The following HDLBP variants were observed in gnomAD, a reference collection of about 807,000 sequenced individuals.
HDLBP encodes vigilin.
A neutral mutation model predicts 137.3 loss-of-function variants in HDLBP; 30 were observed. The ratio of observed to expected loss-of-function variants is 0.22; its 90% CI spans 0.16 to 0.30. HDLBP has a LOEUF of 0.30. Ranked by LOEUF, HDLBP falls within the 10% of genes least tolerant of loss-of-function variation. The pLI is 1.00. For missense variants in HDLBP, 1,119 were observed against 1,667.3 expected (o/e 0.67, Z 5.73); for synonymous variants, 606 against 596.0 (o/e 1.02, Z -0.24).
At chr2:241,242,230 A>G (rs928389175) in intron 17 of HDLBP, among the ~76,000 whole-genome samples, 1 of 152,238 alleles carries the variant, frequency 6.6e-6, no homozygotes. Flanking sequence ...AAAGCACCCC[A>G]AAACTAATAA....
intron 16 of HDLBP, among the ~76,000 whole-genome samples, chr2:241,244,190 C>G (rs1163114487): frequency 1.3e-5 from 2 of 152,062 alleles, no homozygotes; most frequent in Non-Finnish European, 2.9e-5. Flanking sequence ...TATCGCTCCT[C>G]CCCTCAACTC....
intron 1 of HDLBP, among the ~76,000 whole-genome samples, chr2:241,290,537 G>GAGGC (rs1404444293): frequency 6.6e-6 from 1 of 151,990 alleles, no homozygotes; most frequent in Non-Finnish European, 1.5e-5. Flanking sequence ...TTGAACCCAA[G>GAGGC]AGGCGGAGGT....
chr2:241,234,539 G>A (rs1387589950), intron 23 of HDLBP, among the ~76,000 whole-genome samples: 1 of 152,180 alleles, frequency 6.6e-6, no homozygotes, highest in Non-Finnish European at 1.5e-5. Flanking sequence ...AACCCCCTTA[G>A]CAAACCAGCA....
At chr2:241,286,944 T>C (rs1346814255) in intron 1 of HDLBP, among the ~76,000 whole-genome samples, 6 of 98,666 alleles carry the variant, frequency 6.1e-5, no homozygotes, top group Non-Finnish European at 1.1e-4. Flanking sequence ...AGACCCTGTT[T>C]CCAAAAAAAA....
intron 1 of HDLBP, among the ~76,000 whole-genome samples, chr2:241,310,363 CG>C (rs2075722657): frequency 6.6e-6 from 1 of 152,008 alleles, no homozygotes; most frequent in African/African-American, 2.4e-5. Flanking sequence ...TTGTACAGCA[CG>C]GTGAATATAG....
chr2:241,232,228 T>G (rs2069846314), intron 24 of HDLBP, among the ~76,000 whole-genome samples: 2 of 151,680 alleles, frequency 1.3e-5, no homozygotes, highest in African/African-American at 2.4e-5. Context: ...TCCACCCCAC[T>G]TGGCTCATGG....
intron 1 of HDLBP, among the ~76,000 whole-genome samples, chr2:241,304,750 T>A (rs574890424): frequency 6.6e-6 from 1 of 152,336 alleles, no homozygotes; most frequent in Admixed American, 6.5e-5. Flanking sequence ...AACTAGAAAG[T>A]GCTGTGTGGG....
rs71049568 is a variant in HDLBP at position 241,298,045 on chromosome 2, C to CA, written c.-103+17524dup. ...GCCTGGACAGAGTGAGACCCTGTCT[C>CA]AAAAAAAAAAAAAAAAAAAAAAAAA... On this transcript the variant is annotated intron_variant, in intron 1 of 27. Transcript: ENST00000310931. Among the ~76,000 whole-genome samples the CA allele has an allele frequency of 2.8e-3, 65 of 23,404 alleles. 19 individuals are homozygous for CA. Among genetic ancestry groups the CA allele is most frequent in the African/African-American group, 0.014 (53 of 3,790 alleles). The allele number at this position is 23,404 out of a possible 152,430, so 15.4% of individuals were successfully genotyped here.
At chr2:241,264,635 G>A (rs2073506565) in intron 3 of HDLBP, 30 bp from the exon 4 acceptor site, 2 of 1,602,130 alleles carry the variant, frequency 1.2e-6, no homozygotes, top group African/African-American at 2.7e-5. Context: ...TTAAAAGGAA[G>A]CACTACTTTT....
Position 241,240,049 on chromosome 2 carries a change from C to A in HDLBP, c.2243G>T (p.Gly748Val), listed in dbSNP as rs199968516. ...YHKFLIGKGG[G>V]KIRKVRDSTG... The stretch of plus-strand genomic sequence containing the variant: ...GCTGTCGCGCACCTTGCGAATTTTG[C>A]CGCCCCCCTTGCCGATGAGGAATTT... The change falls in exon 18 of 28, where the codon GGC becomes GTC. Residue 748 changes from glycine (G) to valine (V), a missense_variant. By Grantham distance (109) the Gly-to-Val change is moderately radical. Coordinates refer to ENST00000310931, the MANE Select transcript of HDLBP (RefSeq NM_005336.6). This position sits in a 1 kb window ranked among gnomAD's most constrained non-coding sequence, Gnocchi z 5.5. 4.1e-4 allele frequency: 656 copies of A among 1,614,060 alleles called. No individual in the cohort carries two copies. The highest frequency in any genetic ancestry group is 5.3e-4 in the Non-Finnish European group (631 of 1,180,050).
chr2:241,264,375 A>G (rs2073483755), intron 4 of HDLBP, 73 bp downstream of exon 4: 6 of 1,204,582 alleles, frequency 5.0e-6, no homozygotes, highest in South Asian at 1.4e-5. Context: ...AAAAAAAAAA[A>G]GAAAAAAAAT....
intron 1 of HDLBP, chr2:241,280,103 A>G: frequency 1.0e-6 from 1 of 985,346 alleles, no homozygotes; most frequent in Non-Finnish European, 1.2e-6. Context: ...GCACCATGGG[A>G]TGGGAGCTAA....
chr2:241,312,689 C>T (rs1278127406), intron 1 of HDLBP, among the ~76,000 whole-genome samples: 1 of 152,180 alleles, frequency 6.6e-6, no homozygotes, highest in Admixed American at 6.5e-5. Flanking sequence ...CACCATTTGC[C>T]TATGGGATGG....
rs532626113 is a variant in HDLBP at position 241,290,683 on chromosome 2, T to C, written c.-102-22142A>G. On this transcript the variant is annotated intron_variant, in intron 1 of 27. Coordinates refer to ENST00000310931, the MANE Select transcript of HDLBP (RefSeq NM_005336.6). ...TCCACTTCTTTATCTCAATGCTGGT[T>C]ATATGAGTGAGTTCAGTTAGTGAAA... Among the ~76,000 whole-genome samples the C allele has an allele frequency of 3.9e-5, 6 of 152,268 alleles. No homozygotes were observed. The East Asian group carries it at 5.8e-4, about 15-fold the overall frequency.
chr2:241,251,622 T>C, intron 11 of HDLBP, among the ~76,000 whole-genome samples: 1 of 152,262 alleles, frequency 6.6e-6, no homozygotes, highest in East Asian at 1.9e-4. Context: ...ACGTGTGCAC[T>C]TGTTTTCAGA....
At chr2:241,312,587 T>G (rs1040212530) in intron 1 of HDLBP, among the ~76,000 whole-genome samples, 4 of 152,244 alleles carry the variant, frequency 2.6e-5, no homozygotes, top group African/African-American at 9.6e-5. Context: ...TTGGACTTTG[T>G]GTCATCATAA....
chr2:241,246,651 G>A, intron 16 of HDLBP, 101 bp downstream of exon 16: 1 of 1,158,068 alleles, frequency 8.6e-7, no homozygotes, highest in Non-Finnish European at 1.3e-6. Flanking sequence ...ACATCAGCCT[G>A]CGCTGGCCCA....
In HDLBP at chr2:241,268,543, TG is replaced by T. The variant is rs2073845673; in HGVS notation, c.-102-3del. On this transcript the variant is annotated splice_region_variant and splice_polypyrimidine_tract_variant and intron_variant, in intron 1 of 27. Transcript: ENST00000310931. ...CCTCTGTCAGCCTGCCAGCTTTTGC[TG>T]GTATGGGATGGGAAGTGGGAGAGGA... 3 of 976,406 alleles carry T rather than the reference TG, an allele frequency of 3.1e-6. No homozygotes were observed. Among genetic ancestry groups the T allele is most frequent in the Admixed American group, 6.2e-5 (1 of 16,258 alleles). The allele number at this position is 976,406 out of a possible 1,614,324, so 60.5% of individuals were successfully genotyped here.
chr2:241,300,662 G>C (rs1022769748), intron 1 of HDLBP, among the ~76,000 whole-genome samples: 2 of 152,160 alleles, frequency 1.3e-5, no homozygotes, highest in Admixed American at 6.5e-5. Context: ...GGTAACTGGC[G>C]CAAGATTTGA....
Sources: allele counts gnomAD v4.1 joint callset (sites outside exome capture counted in the v4.1 genomes callset), GRCh38; gene constraint gnomAD v4.1.1; non-coding constraint Gnocchi (gnomAD v3.1); transcripts MANE v1.5; gene names NCBI Gene and HGNC (gene_info 2026-07-23, HGNC 2026-07-21).